The following DENND5B variants were observed in gnomAD, a reference collection of about 807,000 sequenced individuals.
The protein encoded by DENND5B is DENN domain-containing protein 5B.
In DENND5B, 34 loss-of-function variants were observed where a neutral mutation model predicts 140.6. The ratio of observed to expected loss-of-function variants is 0.24; its 90% CI spans 0.18 to 0.32. The LOEUF is 0.32. DENND5B is among the 10% of genes least tolerant of loss of function. The probability of loss-of-function intolerance (pLI) is 1.00; values close to 1 mark genes in which losing one functional copy is unlikely to be tolerated. For synonymous variants in DENND5B, 551 were observed against 562.1 expected (o/e 0.98, Z 0.28); for missense variants, 1,142 against 1,560.2 (o/e 0.73, Z 4.52).
intron 1 of DENND5B, chr12:31,499,628 T>C: frequency 6.6e-7 from 1 of 1,506,790 alleles, no homozygotes; most frequent in South Asian, 1.3e-5. Context: ...TTGCAGCACC[T>C]TGGCTCTTGC....
chr12:31,402,071 A>C (rs1941824932), intron 15 of DENND5B, among the ~76,000 whole-genome samples: 1 of 17,964 alleles, frequency 5.6e-5, no homozygotes. Context: ...ATTCCGTCTC[A>C]AAAAAAAAAA....
At chr12:31,555,299 T>TG (rs1243160326) in intron 1 of DENND5B, among the ~76,000 whole-genome samples, 4 of 152,190 alleles carry the variant, frequency 2.6e-5, no homozygotes, top group Admixed American at 2.6e-4. Flanking sequence ...GCAGGTCTGT[T>TG]GGAGTTTGCT....
At chr12:31,464,431 CT>C (rs1945163116) in intron 3 of DENND5B, among the ~76,000 whole-genome samples, 1 of 152,184 alleles carries the variant, frequency 6.6e-6, no homozygotes, top group African/African-American at 2.4e-5. Context: ...CAACAGTACC[CT>C]ATCTTTATTT....
intron 1 of DENND5B, among the ~76,000 whole-genome samples, chr12:31,575,448 T>C (rs949450623): frequency 5.3e-5 from 8 of 152,198 alleles, no homozygotes; most frequent in Non-Finnish European, 1.2e-4. Context: ...GCAAGTCACA[T>C]CTCTGCCCAA....
intron 1 of DENND5B, among the ~76,000 whole-genome samples, chr12:31,519,456 T>A (rs1178006053): frequency 6.6e-6 from 1 of 152,084 alleles, no homozygotes; most frequent in African/African-American, 2.4e-5. Context: ...AATATTGGAG[T>A]GGTTTTCTTT....
chr12:31,454,684 C>G (rs919086686), intron 4 of DENND5B, among the ~76,000 whole-genome samples: 1 of 152,004 alleles, frequency 6.6e-6, no homozygotes, highest in Non-Finnish European at 1.5e-5. Flanking sequence ...ACCTCGTAAT[C>G]CACCTGCCTC....
At chr12:31,405,941 G>A (rs957925933) in intron 14 of DENND5B, among the ~76,000 whole-genome samples, 2 of 152,008 alleles carry the variant, frequency 1.3e-5, no homozygotes, top group East Asian at 1.9e-4. Flanking sequence ...CGCCTCCCGG[G>A]TTCAAGCGAT....
At chr12:31,424,746 T>A in intron 9 of DENND5B, 59 bp from the exon 10 acceptor site, 4 of 1,579,558 alleles carry the variant, frequency 2.5e-6, no homozygotes, top group Non-Finnish European at 2.6e-6. Context: ...AACCAACAAG[T>A]CAATTACTAA....
rs373226447 is a variant in DENND5B at position 31,480,762 on chromosome 12, TAAA to T, written c.238-510_238-508del. ...TGGAAAAAAGTTAAACAAAGAATAA[TAAA>T]AACAACAGTGTCATCTTTGCTATTT... On this transcript the variant is annotated intron_variant, in intron 2 of 20. Transcript: ENST00000389082. Among the ~76,000 whole-genome samples the T allele has an allele frequency of 8.3e-3, 1,266 of 152,244 alleles. 11 individuals are homozygous for T. Among genetic ancestry groups the T allele is most frequent in the African/African-American group, 0.028 (1,159 of 41,564 alleles).
chr12:31,493,770 G>A (rs1946624550), intron 2 of DENND5B, among the ~76,000 whole-genome samples: 1 of 152,230 alleles, frequency 6.6e-6, no homozygotes, highest in South Asian at 2.1e-4. Flanking sequence ...GGTGGAGGTT[G>A]CAGTGAGCCA....
intron 1 of DENND5B, among the ~76,000 whole-genome samples, chr12:31,553,818 T>C (rs1315885894): frequency 6.6e-6 from 1 of 152,252 alleles, no homozygotes; most frequent in Non-Finnish European, 1.5e-5. Context: ...CATTATGTAA[T>C]GGCCTTCTTT....
At chr12:31,465,604 T>C (rs900260068) in intron 3 of DENND5B, 2 of 152,264 alleles carry the variant, frequency 1.3e-5, no homozygotes, top group African/African-American at 4.8e-5. Flanking sequence ...CGACCTCAAG[T>C]AATCCACCTG....
intron 3 of DENND5B, among the ~76,000 whole-genome samples, chr12:31,472,655 T>C (rs1945615294): frequency 6.6e-6 from 1 of 152,036 alleles, no homozygotes. Flanking sequence ...CCTCAGATGG[T>C]TTCCCAAAAT....
chr12:31,508,206 A>G (rs991565513), intron 1 of DENND5B, among the ~76,000 whole-genome samples: 1 of 152,194 alleles, frequency 6.6e-6, no homozygotes, highest in Non-Finnish European at 1.5e-5. Flanking sequence ...TGCATGACTC[A>G]AAGAAGCAGT....
intron 3 of DENND5B, among the ~76,000 whole-genome samples, chr12:31,471,149 A>G (rs918787297): frequency 6.7e-6 from 1 of 150,306 alleles, no homozygotes; most frequent in African/African-American, 2.5e-5. Context: ...AGGGCGTGAC[A>G]ACTAGCCTCA....
intron 2 of DENND5B, among the ~76,000 whole-genome samples, chr12:31,493,240 T>C (rs868139361): frequency 6.6e-6 from 1 of 152,192 alleles, no homozygotes; most frequent in South Asian, 2.1e-4. Flanking sequence ...TTTGGGCAAA[T>C]TACTTAACCT....
chr12:31,445,820 C>CAA (rs1188759426), intron 6 of DENND5B, among the ~76,000 whole-genome samples: 3 of 151,938 alleles, frequency 2.0e-5, no homozygotes, highest in Admixed American at 6.6e-5. Flanking sequence ...ATAACCTGAG[C>CAA]AACATGGTGA....
intron 3 of DENND5B, among the ~76,000 whole-genome samples, chr12:31,469,234 T>G (rs1198720475): frequency 1.3e-5 from 2 of 149,966 alleles, no homozygotes. Flanking sequence ...CTCGGGAGGC[T>G]GAGGCAGGAG....
At chr12:31,390,791 AG>A (rs1306277372) in intron 19 of DENND5B, among the ~76,000 whole-genome samples, 13 of 152,318 alleles carry the variant, frequency 8.5e-5, no homozygotes, top group African/African-American at 3.1e-4. Flanking sequence ...TGGGAGGCCA[AG>A]GCAAGTGGAT....
Sources: allele counts gnomAD v4.1 joint callset (sites outside exome capture counted in the v4.1 genomes callset), GRCh38; gene constraint gnomAD v4.1.1; transcripts MANE v1.5; gene names NCBI Gene and HGNC (gene_info 2026-07-23, HGNC 2026-07-21).